SHANK2: variants seen among roughly 807,000 people sequenced by gnomAD.
SHANK2 encodes SH3 and multiple ankyrin repeat domains 2.
SHANK2 carries 43 observed loss-of-function variants against 133.7 expected under a neutral mutation model. That is an observed-to-expected ratio of 0.32 (90% CI 0.25 to 0.41). The LOEUF is 0.41. SHANK2 is among the 10% of genes least tolerant of loss of function. The pLI, the probability that SHANK2 is intolerant of heterozygous loss-of-function variation, is 1.00. For synonymous variants in SHANK2, 1,017 were observed against 952.8 expected (o/e 1.07, Z -1.24); for missense variants, 1,994 against 2,235.8 (o/e 0.89, Z 2.18).
Position 70,757,480 on chromosome 11 carries a change from C to G in SHANK2, c.1777+40963G>C, listed in dbSNP as rs369815433. Among the ~76,000 whole-genome samples, 230 of 152,322 alleles carry G rather than the reference C, an allele frequency of 1.5e-3. 1 individual carries two copies. Among genetic ancestry groups the G allele is most frequent in the African/African-American group, 5.1e-3 (211 of 41,580 alleles). ...AGCCCTGCGGCAGCAGCTCCCATGG[C>G]GTGTTGAGCCAACACTGTGGTGTAT... is the stretch of plus-strand genomic sequence containing the variant. On this transcript the variant is annotated intron_variant, in intron 14 of 25. Transcript: ENST00000601538.
chr11:71,203,037 G>A (rs529236527), intron 2 of SHANK2, among the ~76,000 whole-genome samples: 13 of 152,342 alleles, frequency 8.5e-5, no homozygotes, highest in African/African-American at 3.1e-4. Flanking sequence ...TGTGTCCGCA[G>A]GACTGTACAC....
At chr11:71,251,868 AGGGTGACCGCAGC>A (rs1301073051) in intron 1 of SHANK2, among the ~76,000 whole-genome samples, 1 of 151,548 alleles carries the variant, frequency 6.6e-6, no homozygotes, top group African/African-American at 2.4e-5. Context: ...GTGCAGGGCC[AGGGTGACCGCAGC>A]GGGGTCTCGG....
intron 14 of SHANK2, among the ~76,000 whole-genome samples, chr11:70,787,979 T>C (rs1947706490): frequency 6.6e-6 from 1 of 152,076 alleles, no homozygotes; most frequent in Non-Finnish European, 1.5e-5. Flanking sequence ...AAACATCAAA[T>C]GAGAGGTGAG....
At chr11:70,573,825 C>A (rs2060081603) in intron 17 of SHANK2, among the ~76,000 whole-genome samples, 1 of 152,236 alleles carries the variant, frequency 6.6e-6, no homozygotes, top group Non-Finnish European at 1.5e-5. Flanking sequence ...ATGCAAAGTA[C>A]TTCTCACACC....
intron 11 of SHANK2, among the ~76,000 whole-genome samples, chr11:70,862,532 AGACTGGACTGGCTGATGGACAT>A (rs1379357417): frequency 6.6e-5 from 10 of 150,920 alleles, no homozygotes; most frequent in Non-Finnish European, 1.0e-4. Context: ...ACTGGCTGAT[AGACTGGACTGGCTGATGGACAT>A]GACTGGACTG....
chr11:70,947,288 T>A lies in SHANK2; in HGVS notation c.1108-50721A>T, dbSNP rs576787442. Among the ~76,000 whole-genome samples the A allele has an allele frequency of 4.6e-5, 7 of 151,806 alleles. No homozygotes were observed. In the East Asian group the frequency reaches 1.4e-3, roughly 29 times the overall value. On this transcript the variant is annotated intron_variant, in intron 10 of 25. Transcript: ENST00000601538. ...GAACCCATCAACTTCCAGAACATTGTGCAGTAGGGTCTGGCTGCAGAGCAC... is the reference window on the plus strand; with the variant it reads ...GAACCCATCAACTTCCAGAACATTGAGCAGTAGGGTCTGGCTGCAGAGCAC...
At chr11:71,197,078 T>G (rs1285327819) in intron 2 of SHANK2, among the ~76,000 whole-genome samples, 1 of 149,772 alleles carries the variant, frequency 6.7e-6, no homozygotes, top group Non-Finnish European at 1.5e-5. Flanking sequence ...GCTCTCTCCC[T>G]AAGGGCTTGA....
chr11:70,546,730 TCCC>T (rs782514035), intron 17 of SHANK2, among the ~76,000 whole-genome samples: 3 of 152,066 alleles, frequency 2.0e-5, no homozygotes, highest in Non-Finnish European at 4.4e-5. Context: ...GCTGCCCCAG[TCCC>T]CTCCCTGGGA....
At chr11:70,802,740 A>G (rs1555050804) in intron 13 of SHANK2, among the ~76,000 whole-genome samples, 1 of 152,110 alleles carries the variant, frequency 6.6e-6, no homozygotes, top group East Asian at 1.9e-4. Context: ...CTGTCCACCT[A>G]CCTAATGTCA....
At chr11:70,851,539 G>T (rs1209702923) in intron 11 of SHANK2, among the ~76,000 whole-genome samples, 2 of 152,234 alleles carry the variant, frequency 1.3e-5, no homozygotes, top group African/African-American at 2.4e-5. Flanking sequence ...AGGTGAGGCA[G>T]CCGCCTTGGA....
chr11:70,847,393 C>T (rs1450211788), intron 11 of SHANK2, among the ~76,000 whole-genome samples: 1 of 152,186 alleles, frequency 6.6e-6, no homozygotes, highest in Non-Finnish European at 1.5e-5. Flanking sequence ...GCAGGGCCTC[C>T]TCTCTGAGAT....
chr11:71,110,105 G>C, intron 5 of SHANK2, 56 bp from the exon 6 acceptor site: 1 of 1,288,470 alleles, frequency 7.8e-7, no homozygotes, highest in Non-Finnish European at 1.1e-6. Flanking sequence ...CCCAACCTGA[G>C]CAACAAAGTG....
intron 14 of SHANK2, among the ~76,000 whole-genome samples, chr11:70,707,877 C>T (rs1555025297): frequency 6.6e-6 from 1 of 152,344 alleles, no homozygotes; most frequent in Non-Finnish European, 1.5e-5. Context: ...TACCACCTCA[C>T]CCCACGCCCC....
rs374588990 is a variant in SHANK2 at position 70,852,686 on chromosome 11, T to C, written c.1175-32004A>G. ...AGTGAAACCCCGTCTTGACTAAAAA[T>C]ACAAAAATTAGCCAGGCATGATGGT... is the stretch of plus-strand genomic sequence containing the variant. On this transcript the variant is annotated intron_variant, in intron 11 of 25. Transcript: ENST00000601538. 2.0e-4 allele frequency among the ~76,000 whole-genome samples: 30 copies of C among 152,188 alleles called. No homozygotes were observed. The East Asian group carries it at 4.3e-3, about 22-fold the overall frequency.
intron 14 of SHANK2, among the ~76,000 whole-genome samples, chr11:70,775,715 G>T (rs1947349544): frequency 6.6e-6 from 1 of 152,186 alleles, no homozygotes; most frequent in African/African-American, 2.4e-5. Flanking sequence ...CATCCAAGAT[G>T]CTCTCCTTGG....
intron 10 of SHANK2, chr11:70,950,941 T>C (rs1211378554): frequency 6.2e-6 from 1 of 161,700 alleles, no homozygotes; most frequent in Non-Finnish European, 1.3e-5. Flanking sequence ...AGTGCTGGAA[T>C]TATAAGCATG....
intron 2 of SHANK2, among the ~76,000 whole-genome samples, chr11:71,157,720 G>A (rs1458172548): frequency 6.6e-6 from 1 of 152,160 alleles, no homozygotes; most frequent in Non-Finnish European, 1.5e-5. Context: ...AATTCAAGGG[G>A]TTCTGGCCAG....
At chr11:70,652,204 G>A (rs1283721547) in intron 17 of SHANK2, among the ~76,000 whole-genome samples, 1 of 152,242 alleles carries the variant, frequency 6.6e-6, no homozygotes, top group Non-Finnish European at 1.5e-5. Flanking sequence ...TTGAGCCAAA[G>A]GAGGAGATAT....
intron 1 of SHANK2, among the ~76,000 whole-genome samples, chr11:71,232,531 C>A (rs144099156): frequency 1.3e-3 from 199 of 152,116 alleles, no homozygotes; most frequent in Admixed American, 2.7e-3. Context: ...TTCTCCTCCT[C>A]CTCCTCTTTC....
Sources: allele counts gnomAD v4.1 joint callset (sites outside exome capture counted in the v4.1 genomes callset), GRCh38; gene constraint gnomAD v4.1.1; transcripts MANE v1.5; gene names NCBI Gene and HGNC (gene_info 2026-07-23, HGNC 2026-07-21).